Variants in SLC2A9 observed in about 807,000 individuals in gnomAD.
SLC2A9 encodes the protein solute carrier family 2, facilitated glucose transporter member 9.
Under a neutral mutation model 50.6 loss-of-function variants are expected in SLC2A9, and 39 were observed. The ratio of observed to expected loss-of-function variants is 0.77; its 90% confidence interval spans 0.60 to 1.01. The LOEUF (loss-of-function observed/expected upper bound fraction) is 1.01. Ranked by LOEUF, SLC2A9 falls within the 50% of genes least tolerant of loss-of-function variation. SLC2A9 has a pLI of 0.00. For synonymous variants in SLC2A9, 324 were observed against 276.9 expected, an observed-to-expected ratio of 1.17 and a Z score of -1.69; for missense variants, 686 against 677.6, an observed-to-expected ratio of 1.01 and a Z score of -0.14.
At chr4:9,958,357 C>G (rs1489739070) in intron 5 of SLC2A9, among the ~76,000 whole-genome samples, 1 of 152,128 alleles carries the variant, frequency 6.6e-6, no homozygotes, top group Non-Finnish European at 1.5e-5. Flanking sequence ...ATGGATGAAT[C>G]TGGAAACTAT....
At chr4:9,978,868 G>T (rs1755247016) in intron 5 of SLC2A9, among the ~76,000 whole-genome samples, 1 of 152,148 alleles carries the variant, frequency 6.6e-6, no homozygotes, top group Non-Finnish European at 1.5e-5. Context: ...CTTAAGAATG[G>T]TCAAAATGGT....
chr4:9,990,325 T>C (rs1045356304), intron 3 of SLC2A9, among the ~76,000 whole-genome samples: 1 of 152,116 alleles, frequency 6.6e-6, no homozygotes, highest in African/African-American at 2.4e-5. Flanking sequence ...CATCCTTCCA[T>C]TTATCCAACA....
chr4:9,796,503 A>G (rs1720614065), downstream of SLC2A9, among the ~76,000 whole-genome samples: 1 of 152,246 alleles, frequency 6.6e-6, no homozygotes, highest in Non-Finnish European at 1.5e-5. Flanking sequence ...TGTAAGGATT[A>G]GATGAGATTC....
chr4:10,023,819 G>C (rs1166689485), upstream of SLC2A9, among the ~76,000 whole-genome samples: 2 of 152,210 alleles, frequency 1.3e-5, no homozygotes, highest in East Asian at 1.9e-4. Context: ...CTGAAGTTCA[G>C]GGGGAGCATG....
intron 10 of SLC2A9, among the ~76,000 whole-genome samples, chr4:9,860,050 G>A (rs557994078): frequency 6.6e-6 from 1 of 152,294 alleles, no homozygotes. Flanking sequence ...TTCCTGCCAG[G>A]AGAAATTCAT....
At chr4:9,933,611 G>C (rs772066846) in intron 6 of SLC2A9, among the ~76,000 whole-genome samples, 1 of 152,168 alleles carries the variant, frequency 6.6e-6, no homozygotes, top group Admixed American at 6.5e-5. Flanking sequence ...AGACTTTAGG[G>C]GGGTGAGGAC....
intron 3 of SLC2A9, among the ~76,000 whole-genome samples, chr4:9,807,579 T>C (rs891732803): frequency 6.6e-6 from 1 of 152,142 alleles, no homozygotes; most frequent in Non-Finnish European, 1.5e-5. Flanking sequence ...GTGCATAGCA[T>C]CAGTGTGTGA....
At chr4:9,980,803 A>G (rs534950531) in intron 4 of SLC2A9, 66 bp from the exon 5 acceptor site, 317 of 1,606,494 alleles carry the variant, frequency 2.0e-4, no homozygotes, top group Middle Eastern at 1.5e-3. Context: ...CTCTGGTTAC[A>G]ATGCCTCTCT....
chr4:9,951,727 G>A (rs978678339), intron 5 of SLC2A9, among the ~76,000 whole-genome samples: 75 of 152,184 alleles, frequency 4.9e-4, no homozygotes, highest in African/African-American at 1.7e-3. Context: ...AGCTAATAAA[G>A]ATGTGAGAAA....
At chr4:10,006,328 G>A (rs184083774) in intron 2 of SLC2A9, among the ~76,000 whole-genome samples, 2 of 152,306 alleles carry the variant, frequency 1.3e-5, no homozygotes, top group African/African-American at 4.8e-5. Flanking sequence ...AGCCTCCCGT[G>A]AACTCACTTG....
At chr4:9,900,536 T>A (rs965740098) in intron 8 of SLC2A9, among the ~76,000 whole-genome samples, 3 of 152,158 alleles carry the variant, frequency 2.0e-5, no homozygotes, top group East Asian at 3.9e-4. Flanking sequence ...CTTTTCTGCT[T>A]GGGGATGCTG....
At chr4:9,873,168 G>A (rs1560218950) in intron 10 of SLC2A9, among the ~76,000 whole-genome samples, 1 of 152,130 alleles carries the variant, frequency 6.6e-6, no homozygotes, top group Admixed American at 6.6e-5. Flanking sequence ...TGTTATTGAA[G>A]GTAAGATCCC....
At chr4:10,020,041 T>A (rs1219490876) in intron 1 of SLC2A9, among the ~76,000 whole-genome samples, 1 of 107,396 alleles carries the variant, frequency 9.3e-6, no homozygotes. Context: ...TATTTGTGAG[T>A]GTGTGTGTGT....
intron 10 of SLC2A9, among the ~76,000 whole-genome samples, chr4:9,864,470 T>A (rs2109425518): frequency 6.6e-6 from 1 of 152,338 alleles, no homozygotes; most frequent in Non-Finnish European, 1.5e-5. Flanking sequence ...CTTAGGGAAA[T>A]TCTTATCATA....
intron 3 of SLC2A9, chr4:9,783,726 T>A: frequency 2.5e-6 from 1 of 395,860 alleles, no homozygotes; most frequent in East Asian, 4.3e-5. Context: ...TGGTGCTGGG[T>A]CCTTAAAAAA....
chr4:9,970,386 G>A (rs1260861388), intron 5 of SLC2A9, among the ~76,000 whole-genome samples: 1 of 152,152 alleles, frequency 6.6e-6, no homozygotes, highest in Admixed American at 6.5e-5. Context: ...ATCTTGAGTG[G>A]GGATGAGCTC....
At chr4:9,788,382 G>T (rs1377296242) in intron 3 of SLC2A9, among the ~76,000 whole-genome samples, 2 of 142,024 alleles carry the variant, frequency 1.4e-5, no homozygotes, top group Non-Finnish European at 3.1e-5. Context: ...GTAGAGACGG[G>T]GACTCCCTAT....
chr4:9,847,130 T>C (rs1729109404), intron 10 of SLC2A9, among the ~76,000 whole-genome samples: 2 of 152,250 alleles, frequency 1.3e-5, no homozygotes, highest in Admixed American at 1.3e-4. Flanking sequence ...AATGTGTGGC[T>C]GTATTAGTCC....
intron 10 of SLC2A9, among the ~76,000 whole-genome samples, chr4:9,846,927 G>C (rs1161052102): frequency 6.6e-6 from 1 of 152,102 alleles, no homozygotes; most frequent in Non-Finnish European, 1.5e-5. Flanking sequence ...TAATCCTTTA[G>C]ATATATTTTC....
Sources: gnomAD v4.1 joint callset for allele counts (sites outside exome capture counted in the v4.1 genomes callset) on GRCh38, gnomAD v4.1.1 for gene constraint, MANE v1.5 for transcripts, NCBI Gene and HGNC (gene_info 2026-07-23, HGNC 2026-07-21) for gene names.